PRKCE: variants seen among roughly 807,000 people sequenced by gnomAD.
PRKCE encodes protein kinase C epsilon.
PRKCE carries 16 observed loss-of-function variants against 85.4 expected under a neutral mutation model. The ratio of observed to expected loss-of-function variants is 0.19; its 90% CI spans 0.13 to 0.28. The LOEUF (loss-of-function observed/expected upper bound fraction) is 0.28, where lower values mean the gene tolerates loss of function less well. Among genes scored for constraint, PRKCE ranks in the 10% least tolerant of loss-of-function variants. The pLI, the probability that PRKCE is intolerant of heterozygous loss-of-function variation, is 1.00. For synonymous variants in PRKCE, 388 were observed against 371.5 expected (o/e 1.04, Z -0.51); for missense variants, 573 against 975.2 (o/e 0.59, Z 5.49).
chr2:45,926,865 C>A (rs1269316374), intron 2 of PRKCE, among the ~76,000 whole-genome samples: 1 of 151,684 alleles, frequency 6.6e-6, no homozygotes, highest in Non-Finnish European at 1.5e-5. Context: ...TGAGTGTGCA[C>A]AAGACACAGG....
chr2:45,912,996 A>T (rs143050245), intron 2 of PRKCE, among the ~76,000 whole-genome samples: 83 of 152,298 alleles, frequency 5.4e-4, no homozygotes, highest in African/African-American at 1.9e-3. Context: ...GGTGGTCAGG[A>T]GTCACTCAGT....
chr2:45,860,541 G>T (rs1020926926), intron 2 of PRKCE, among the ~76,000 whole-genome samples: 2 of 152,184 alleles, frequency 1.3e-5, no homozygotes, highest in Admixed American at 1.3e-4. Context: ...CAAGTTTACT[G>T]CTTTTTCAAA....
In PRKCE at chr2:46,145,052, T is replaced by G. The variant is rs762432224; in HGVS notation, c.1593-41T>G. On this transcript the variant is annotated intron_variant, in intron 11 of 14. Coordinates refer to ENST00000306156, the MANE Select transcript of PRKCE (RefSeq NM_005400.3). This position sits in a 1 kb window ranked among gnomAD's most constrained non-coding sequence, Gnocchi z 4.6. ...CCAACTCAGGAAGACTATATTGGGG[T>G]GAGTGACGTATTGACATTATGGTCC... The G allele has an allele frequency of 1.3e-6, 2 of 1,598,484 alleles. No individual in the cohort carries two copies. The highest frequency in any genetic ancestry group is 1.7e-5 in the Admixed American group (1 of 59,998).
intron 1 of PRKCE, among the ~76,000 whole-genome samples, chr2:45,812,824 A>G (rs1688746387): frequency 6.6e-6 from 1 of 152,232 alleles, no homozygotes; most frequent in South Asian, 2.1e-4. Flanking sequence ...CTGCTCTTGC[A>G]TCACTTAAAA....
chr2:45,678,037 A>G (rs1302349253), intron 1 of PRKCE: 3 of 328,862 alleles, frequency 9.1e-6, no homozygotes, highest in East Asian at 1.7e-4. Flanking sequence ...TGGTGGTTCT[A>G]CACCGAGCCA....
intron 5 of PRKCE, among the ~76,000 whole-genome samples, chr2:45,984,193 C>T (rs1421749807): frequency 6.6e-6 from 1 of 152,244 alleles, no homozygotes; most frequent in Non-Finnish European, 1.5e-5. Flanking sequence ...CTACCTCAGC[C>T]TCCCAAAATG....
rs996115614 is a variant in PRKCE at position 45,957,200 on chromosome 2, C to G, written c.413-19229C>G. Among the ~76,000 whole-genome samples, 7 of 152,220 alleles carry G rather than the reference C, an allele frequency of 4.6e-5. 1 individual carries two copies. The highest frequency in any genetic ancestry group is 1.4e-4 in the African/African-American group (6 of 41,462). ...TTTAATGTCATAGCTAATCTTCACC[C>G]AAACCCAACGTCACAAAGATTTTTT... On this transcript the variant is annotated intron_variant, in intron 2 of 14. Coordinates refer to ENST00000306156, the MANE Select transcript of PRKCE (RefSeq NM_005400.3).
In PRKCE at chr2:46,184,353, G is replaced by C. The variant is rs574156505; in HGVS notation, c.2068-382G>C. ...AGATCTGTTCCCTGGGTCACAGGGA[G>C]GAATGTTGTAATGGAGCCAGTAGGT... is the stretch of plus-strand genomic sequence containing the variant. On this transcript the variant is annotated intron_variant, in intron 14 of 14. Coordinates refer to ENST00000306156, the MANE Select transcript of PRKCE (RefSeq NM_005400.3). The surrounding 1 kb of genome is among the most constrained non-coding windows in gnomAD (Gnocchi z 5.0). Among the ~76,000 whole-genome samples the C allele has an allele frequency of 6.6e-6, 1 of 152,170 alleles. No individual in the cohort carries two copies. The highest frequency in any genetic ancestry group is 2.4e-5 in the African/African-American group (1 of 41,506).
At chr2:46,067,840 A>G (rs998462282) in intron 10 of PRKCE, among the ~76,000 whole-genome samples, 1 of 152,218 alleles carries the variant, frequency 6.6e-6, no homozygotes, top group Non-Finnish European at 1.5e-5. Context: ...GACCAAGAAT[A>G]TAACGCAAGG....
intron 2 of PRKCE, among the ~76,000 whole-genome samples, chr2:45,950,561 A>G (rs572862406): frequency 1.3e-5 from 2 of 152,260 alleles, no homozygotes; most frequent in South Asian, 4.2e-4. Flanking sequence ...AATAACTTCA[A>G]GGTCATTACC....
At chr2:45,866,518 A>C (rs1693626462) in intron 2 of PRKCE, among the ~76,000 whole-genome samples, 1 of 151,996 alleles carries the variant, frequency 6.6e-6, no homozygotes, top group Non-Finnish European at 1.5e-5. Context: ...CGTGTTAGCC[A>C]GGATGGTCTT....
At chr2:45,653,394 T>TTTTTTTTTG in intron 1 of PRKCE, among the ~76,000 whole-genome samples, 1 of 141,904 alleles carries the variant, frequency 7.0e-6, no homozygotes, top group Non-Finnish European at 1.5e-5. Context: ...TTTTTTTTTT[T>TTTTTTTTTG]TCTCTCTTCT....
chr2:45,721,720 T>C (rs1222112305), intron 1 of PRKCE, among the ~76,000 whole-genome samples: 1 of 151,862 alleles, frequency 6.6e-6, no homozygotes, highest in Non-Finnish European at 1.5e-5. Context: ...CACAAAAAAA[T>C]TAAAAAATTA....
At chr2:45,719,639 A>G (rs1461087091) in intron 1 of PRKCE, among the ~76,000 whole-genome samples, 1 of 152,244 alleles carries the variant, frequency 6.6e-6, no homozygotes, top group Non-Finnish European at 1.5e-5. Flanking sequence ...ATCTATGCAC[A>G]TAATACATGC....
chr2:45,942,491 T>C (rs1699955204), intron 2 of PRKCE, among the ~76,000 whole-genome samples: 1 of 152,234 alleles, frequency 6.6e-6, no homozygotes, highest in Non-Finnish European at 1.5e-5. Flanking sequence ...ATGTGTGACA[T>C]GTCATATATG....
At chr2:45,960,843 A>G (rs1701325447) in intron 2 of PRKCE, among the ~76,000 whole-genome samples, 2 of 152,178 alleles carry the variant, frequency 1.3e-5, no homozygotes, top group South Asian at 4.1e-4. Context: ...TGCAGTTCCT[A>G]CAATCCTTTC....
intron 2 of PRKCE, among the ~76,000 whole-genome samples, chr2:45,871,877 C>T (rs565227925): frequency 2.2e-4 from 33 of 152,218 alleles, no homozygotes; most frequent in Non-Finnish European, 3.5e-4. Flanking sequence ...GGTCTGATGA[C>T]GAAGTGGAGA....
intron 2 of PRKCE, among the ~76,000 whole-genome samples, chr2:45,927,102 G>T (rs1463719639): frequency 6.6e-6 from 1 of 152,118 alleles, no homozygotes; most frequent in Non-Finnish European, 1.5e-5. Context: ...ATGGGACAAG[G>T]ATGGTGAGAA....
rs867033411 is a variant in PRKCE at position 46,115,977 on chromosome 2, T to A, written c.1593-29116T>A. 1.1e-4 allele frequency among the ~76,000 whole-genome samples: 16 copies of A among 152,364 alleles called. No individual in the cohort carries two copies. In the Middle Eastern group the frequency reaches 0.01, roughly 97 times the overall value. ...GGCCTAAAGTTACAGAGGAAAGGAC[T>A]TGCTTTATAATGTTACAGGGCAGGA... On this transcript the variant is annotated intron_variant, in intron 11 of 14. Coordinates refer to ENST00000306156, the MANE Select transcript of PRKCE (RefSeq NM_005400.3).
Sources: allele counts gnomAD v4.1 joint callset (sites outside exome capture counted in the v4.1 genomes callset), GRCh38; gene constraint gnomAD v4.1.1; non-coding constraint Gnocchi (gnomAD v3.1); transcripts MANE v1.5; gene names NCBI Gene and HGNC (gene_info 2026-07-23, HGNC 2026-07-21).